TMEM8B: variants seen among roughly 807,000 people sequenced by gnomAD.
TMEM8B encodes the protein transmembrane protein 8B.
Under a neutral mutation model 49.3 loss-of-function variants are expected in TMEM8B, and 29 were observed. That is an observed-to-expected ratio of 0.59 (90% CI 0.44 to 0.80). The LOEUF (loss-of-function observed/expected upper bound fraction) is 0.80. Ranked by LOEUF, TMEM8B falls within the 30% of genes least tolerant of loss-of-function variation. The probability of loss-of-function intolerance (pLI) is 0.00; values close to 1 mark genes in which losing one functional copy is unlikely to be tolerated. For missense variants in TMEM8B, 575 were observed against 658.5 expected (o/e 0.87, Z 1.39); for synonymous variants, 264 against 272.8 (o/e 0.97, Z 0.32).
chr9:35,847,006 G>A lies in TMEM8B; in HGVS notation c.2175+11G>A. 3 of 1,614,206 alleles carry A rather than the reference G, an allele frequency of 1.9e-6. No individual in the cohort carries two copies. Among genetic ancestry groups the A allele is most frequent in the Middle Eastern group, 1.6e-4 (1 of 6,062 alleles). ...ATGTTCTTCTCCACGGTATGCGGTG[G>A]TGTCTGCATCTTATCACTGGGTGCT... On this transcript the variant is annotated intron_variant, in intron 10 of 12. Coordinates refer to ENST00000643932, the MANE Select transcript of TMEM8B (RefSeq NM_001042590.4).
In TMEM8B at chr9:35,855,568, A is replaced by G. The variant is rs1832498403; in HGVS notation, c.*1728A>G. 1 of 151,782 alleles carries G rather than the reference A, an allele frequency of 6.6e-6. No homozygotes were observed. The highest frequency in any genetic ancestry group is 2.4e-5 in the African/African-American group (1 of 41,302). 9.4% of individuals were successfully genotyped at this position (151,782 alleles called of 1,614,324 possible). ...ACCACCAAGCCCAGCTAATTTTTGT[A>G]TTTTTAGTAGAGATGGGGTTTCTCC... On this transcript the variant is annotated 3_prime_UTR_variant, in exon 13 of 13. Coordinates refer to ENST00000643932, the MANE Select transcript of TMEM8B (RefSeq NM_001042590.4).
chr9:35,842,041 C>A lies in TMEM8B; in HGVS notation c.1309+247C>A, dbSNP rs1390378424. 6.6e-6 allele frequency among the ~76,000 whole-genome samples: 1 copy of A among 152,180 alleles called. No homozygotes were observed. The highest frequency in any genetic ancestry group is 1.5e-5 in the Non-Finnish European group (1 of 68,028). On this transcript the variant is annotated intron_variant, in intron 5 of 12. Transcript: ENST00000643932. This position sits in a 1 kb window ranked among gnomAD's most constrained non-coding sequence, Gnocchi z 5.6. ...CATTACTTTCTTTGATTTAATCTCT[C>A]AGTTTCCTGGGGTAGGCAGGGACAT...
intron 7 of TMEM8B, 54 bp from the exon 8 acceptor site, chr9:35,846,204 T>A (rs1831534090): frequency 1.2e-6 from 2 of 1,608,732 alleles, no homozygotes; most frequent in South Asian, 2.2e-5. Context: ...TGGGTGAGGG[T>A]TCTTGGGTTC....
At chr9:35,848,421 G>A (rs866338681) in intron 10 of TMEM8B, among the ~76,000 whole-genome samples, 1 of 152,196 alleles carries the variant, frequency 6.6e-6, no homozygotes, top group Non-Finnish European at 1.5e-5. Context: ...CATGCAGATC[G>A]AATGTGATTC....
In TMEM8B at chr9:35,864,918, C is replaced by G. The variant is rs1832711162; in HGVS notation, c.*11078C>G. ...CCGCACCTCGCCCTGCCACTGCCTC[C>G]CAGGACCTGCCTCTTGCTCCCCTGC... On this transcript the variant is annotated 3_prime_UTR_variant, in exon 13 of 13. Coordinates refer to ENST00000643932, the MANE Select transcript of TMEM8B (RefSeq NM_001042590.4). 1 of 152,304 alleles carries G rather than the reference C, an allele frequency of 6.6e-6. No individual in the cohort carries two copies. The highest frequency in any genetic ancestry group is 6.5e-5 in the Admixed American group (1 of 15,278). 9.4% of individuals were successfully genotyped at this position (152,304 alleles called of 1,614,324 possible).
chr9:35,833,288 CGGG>C (rs1830095252), intron 1 of TMEM8B: 1 of 985,042 alleles, frequency 1.0e-6, no homozygotes, highest in Non-Finnish European at 1.2e-6. Flanking sequence ...ATTCCAGCCC[CGGG>C]TCTGTCCTGA....
At chr9:35,845,273 C>T (rs1831409042) in intron 6 of TMEM8B, 1 of 463,122 alleles carries the variant, frequency 2.2e-6, no homozygotes, top group Non-Finnish European at 2.8e-6. Flanking sequence ...AAATATATGG[C>T]CTACCTTAGG....
chr9:35,854,036 G>A lies in TMEM8B; in HGVS notation c.*196G>A, dbSNP rs139197440. 5.4e-3 allele frequency: 7,084 copies of A among 1,308,760 alleles called. 27 individuals carry two copies. The highest frequency in any genetic ancestry group is 9.7e-3 in the Middle Eastern group (34 of 3,512). The allele number at this position is 1,308,760 out of a possible 1,614,324, so 81.1% of individuals were successfully genotyped here. ...CTTCCTGAGGGCCTGGAGTCCCCCT[G>A]CATCATGGAGTCCTTCTTAAGGACT... On this transcript the variant is annotated 3_prime_UTR_variant, in exon 13 of 13. Transcript: ENST00000643932.
Position 35,855,625 on chromosome 9 carries a change from C to T in TMEM8B, c.*1785C>T, listed in dbSNP as rs2132419268. The T allele has an allele frequency of 6.6e-6, 1 of 152,342 alleles. No individual in the cohort carries two copies. The highest frequency in any genetic ancestry group is 1.5e-5 in the Non-Finnish European group (1 of 68,108). The allele number at this position is 152,342 out of a possible 1,614,324, so 9.4% of individuals were successfully genotyped here. A position where few individuals can be genotyped will look rare whatever the true frequency, so the allele number is the denominator to read the frequency against. On this transcript the variant is annotated 3_prime_UTR_variant, in exon 13 of 13. Transcript: ENST00000643932. Reference sequence around the variant, plus strand: ...GTCAGGCTGCTCTCAAACTCCCGGCCTCAGGTGATCCACCCGCCTCGGCCT... The same window carrying T: ...GTCAGGCTGCTCTCAAACTCCCGGCTTCAGGTGATCCACCCGCCTCGGCCT...
Position 35,842,651 on chromosome 9 carries a change from C to G in TMEM8B, c.1569C>G (p.Phe523Leu). The change falls in exon 6 of 13, where the codon TTC (phenylalanine) becomes TTG (leucine). Residue 523 changes from phenylalanine to leucine, a missense_variant. Transcript: ENST00000643932. This position sits in a 1 kb window ranked among gnomAD's most constrained non-coding sequence, Gnocchi z 5.6. ...VALPPERPAV[F>L]AMRLLPVLDS... ...TTCCCCCTGAGCGCCCAGCCGTGTTCGCCATGAGGCTGTTGCCAGTGCTGG... is the reference window on the plus strand; with the variant it reads ...TTCCCCCTGAGCGCCCAGCCGTGTTGGCCATGAGGCTGTTGCCAGTGCTGG... The G allele has an allele frequency of 6.2e-7, 1 of 1,614,180 alleles. No individual in the cohort carries two copies. The highest frequency in any genetic ancestry group is 8.5e-7 in the Non-Finnish European group (1 of 1,180,012).
intron 1 of TMEM8B, among the ~76,000 whole-genome samples, chr9:35,830,285 G>A (rs909693212): frequency 6.6e-6 from 1 of 152,180 alleles, no homozygotes; most frequent in Non-Finnish European, 1.5e-5. Context: ...TGATGGGGGA[G>A]AGACAGTCCC....
Position 35,864,793 on chromosome 9 carries a change from A to G in TMEM8B, c.*10953A>G, listed in dbSNP as rs571155725. On this transcript the variant is annotated 3_prime_UTR_variant, in exon 13 of 13. Coordinates refer to ENST00000643932, the MANE Select transcript of TMEM8B (RefSeq NM_001042590.4). ...CCTCTCACCTACTGGCCATGGCCTA[A>G]ATGTCTGTAGGGAGCTGGAGCCAGG... 2.6e-5 allele frequency: 4 copies of G among 152,404 alleles called. No individual in the cohort carries two copies. The South Asian group carries it at 8.3e-4, about 32-fold the overall frequency. 9.4% of individuals were successfully genotyped at this position (152,404 alleles called of 1,614,324 possible). A position where few individuals can be genotyped will look rare whatever the true frequency, so the allele number is the denominator to read the frequency against.
rs1162767743 is a variant in TMEM8B at position 35,854,198 on chromosome 9, CT to C, written c.*361del. ...CAAAGCCCTGTCAGGAGCACAGCAT[CT>C]TTCCAGAGGAGGTGGAGTCTATCTT... On this transcript the variant is annotated 3_prime_UTR_variant, in exon 13 of 13. Transcript: ENST00000643932. 7.1e-6 allele frequency: 2 copies of C among 279,968 alleles called. No individual in the cohort carries two copies. The highest frequency in any genetic ancestry group is 1.2e-5 in the Non-Finnish European group (2 of 167,434). The allele number at this position is 279,968 out of a possible 1,614,324, so 17.3% of individuals were successfully genotyped here.
intron 10 of TMEM8B, among the ~76,000 whole-genome samples, chr9:35,850,596 T>C (rs1340494078): frequency 1.3e-5 from 2 of 152,242 alleles, no homozygotes; most frequent in Non-Finnish European, 2.9e-5. Flanking sequence ...ATTAGTGAAA[T>C]GATTTCTTCA....
rs143767690 is a variant in TMEM8B, at chr9:35,842,534, C to G, written c.1452C>G (p.Pro484=). Residue 484 remains proline, a synonymous_variant, in exon 6 of 13, where the codon CCC becomes CCG. Coordinates refer to ENST00000643932, the MANE Select transcript of TMEM8B (RefSeq NM_001042590.4). The surrounding 1 kb of genome is among the most constrained non-coding windows in gnomAD (Gnocchi z 5.6). ...PAEGPGTTSP[P]EHCWPVRPTL... ...AGGGGCCTGGGACCACGTCCCCACC[C>G]GAGCACTGCTGGCCAGTGCGCCCGA... is the stretch of plus-strand genomic sequence containing the variant. The G allele has an allele frequency of 2.5e-6, 4 of 1,614,064 alleles. No homozygotes were observed. The highest frequency in any genetic ancestry group is 3.4e-6 in the Non-Finnish European group (4 of 1,179,980).
At chr9:35,834,335 A>G in intron 1 of TMEM8B, 126 bp from the exon 2 acceptor site, 1 of 398,748 alleles carries the variant, frequency 2.5e-6, no homozygotes, top group Non-Finnish European at 4.4e-6. Flanking sequence ...CCTGAAACCC[A>G]GTTCCTGGCT....
chr9:35,834,798 A>G (rs1031011733), intron 2 of TMEM8B, 148 bp downstream of exon 2: 1 of 410,088 alleles, frequency 2.4e-6, no homozygotes, highest in Non-Finnish European at 4.4e-6. Flanking sequence ...CCTCTGTCAC[A>G]TGACCACTTC....
intron 3 of TMEM8B, among the ~76,000 whole-genome samples, chr9:35,839,959 G>A (rs1489569421): frequency 6.6e-6 from 1 of 152,186 alleles, no homozygotes; most frequent in Non-Finnish European, 1.5e-5. Context: ...GGAAGTCAGT[G>A]CCTTGGCTGG....
At chr9:35,840,617 G>A (rs774983158) in intron 3 of TMEM8B, among the ~76,000 whole-genome samples, 2 of 152,164 alleles carry the variant, frequency 1.3e-5, no homozygotes, top group Admixed American at 6.5e-5. Flanking sequence ...GGACAAGCAC[G>A]TGGGAGCGGG....
Sources: gnomAD v4.1 joint callset for allele counts (sites outside exome capture counted in the v4.1 genomes callset) on GRCh38, gnomAD v4.1.1 for gene constraint, Gnocchi (gnomAD v3.1) non-coding constraint, MANE v1.5 for transcripts, NCBI Gene and HGNC (gene_info 2026-07-23, HGNC 2026-07-21) for gene names.